The following ATG14 variants were observed in gnomAD, a reference collection of about 807,000 sequenced individuals.
The protein encoded by ATG14 is beclin 1-associated autophagy-related key regulator.
ATG14 carries 35 observed loss-of-function variants against 60.4 expected under a neutral mutation model. That is an observed-to-expected ratio of 0.58 (90% CI 0.44 to 0.77). ATG14 has a LOEUF of 0.77. Ranked by LOEUF, ATG14 falls within the 30% of genes least tolerant of loss-of-function variation. The probability of loss-of-function intolerance (pLI) is 0.00; values close to 1 mark genes in which losing one functional copy is unlikely to be tolerated. For missense variants in ATG14, 647 were observed against 626.3 expected (o/e 1.03, Z -0.35); for synonymous variants, 234 against 228.8 (o/e 1.02, Z -0.21).
At chr14:55,407,556 C>T (rs1413573752) in intron 1 of ATG14, among the ~76,000 whole-genome samples, 3 of 152,214 alleles carry the variant, frequency 2.0e-5, no homozygotes, top group Non-Finnish European at 4.4e-5. Flanking sequence ...TGAGCCACTG[C>T]GCCCAACCCC....
rs193223490 is a variant in ATG14 at position 55,369,564 on chromosome 14, G to A, written c.*55C>T. 34 of 1,391,950 alleles carry A rather than the reference G, an allele frequency of 2.4e-5. No individual in the cohort carries two copies. The Admixed American group carries it at 4.4e-4, about 18-fold the overall frequency. 86.2% of individuals were successfully genotyped at this position (1,391,950 alleles called of 1,614,324 possible). ...TTAAACAGAAAATGTTTACTAGAGT[G>A]TAGTGGGAGAAGAACTTTCTTGATG... On this transcript the variant is annotated 3_prime_UTR_variant, in exon 10 of 10. Coordinates refer to ENST00000247178, the MANE Select transcript of ATG14 (RefSeq NM_014924.5).
At chr14:55,397,161 C>T (rs72717754) in intron 2 of ATG14, among the ~76,000 whole-genome samples, 1,638 of 152,284 alleles carry the variant, frequency 0.011, 12 homozygotes, top group Middle Eastern at 0.027. Flanking sequence ...TACTGTATAC[C>T]ACACACCGGA....
In ATG14 at chr14:55,369,691, A is replaced by G. The variant is rs776800491; in HGVS notation, c.1407T>C (p.Ser469=). 1.9e-6 allele frequency: 3 copies of G among 1,602,942 alleles called. No individual in the cohort carries two copies. Among genetic ancestry groups the G allele is most frequent in the Non-Finnish European group, 2.6e-6 (3 of 1,173,316 alleles). ...CTGCAGAGGAGATCATCCCACCTGC[A>G]CTGCTGCTCGCGATGGGTGGGGACG... is the stretch of plus-strand genomic sequence containing the variant. ...TQASPPIASS[S]AGGMISSAAA... The change falls in exon 10 of 10, where the codon AGT becomes AGC. Residue 469 remains serine (S), a synonymous_variant. Coordinates refer to ENST00000247178, the MANE Select transcript of ATG14 (RefSeq NM_014924.5).
At chr14:55,409,419 G>A (rs1166323137) in intron 1 of ATG14, among the ~76,000 whole-genome samples, 1 of 152,164 alleles carries the variant, frequency 6.6e-6, no homozygotes, top group Admixed American at 6.5e-5. Flanking sequence ...TGGGGTGGGG[G>A]CAGTTAGACA....
At chr14:55,380,855 G>GTGTA (rs1555341866) in intron 6 of ATG14, among the ~76,000 whole-genome samples, 165 bp from the exon 7 acceptor site, 1 of 118,084 alleles carries the variant, frequency 8.5e-6, no homozygotes, top group East Asian at 2.2e-4. Context: ...TTCTTTGTGT[G>GTGTA]TATATATATA....
intron 2 of ATG14, 41 bp from the exon 3 acceptor site, chr14:55,396,023 T>A (rs147302124): frequency 1.3e-6 from 2 of 1,485,094 alleles, no homozygotes; most frequent in Non-Finnish European, 1.8e-6. Flanking sequence ...TTAAAAATAA[T>A]AAAATTCTGT....
chr14:55,406,654 T>C (rs920918606), intron 1 of ATG14, among the ~76,000 whole-genome samples: 2 of 152,186 alleles, frequency 1.3e-5, no homozygotes, highest in Admixed American at 1.3e-4. Flanking sequence ...ACAATGGTCC[T>C]GGGTCTCGAG....
At chr14:55,380,978 G>T (rs183504330) in intron 6 of ATG14, among the ~76,000 whole-genome samples, 1 of 149,688 alleles carries the variant, frequency 6.7e-6, no homozygotes. Flanking sequence ...ACCTGATAAC[G>T]TAATATCAAA....
chr14:55,400,882 T>C (rs935207805), intron 1 of ATG14, among the ~76,000 whole-genome samples: 4 of 151,210 alleles, frequency 2.6e-5, no homozygotes, highest in Non-Finnish European at 4.4e-5. Flanking sequence ...CCAGCCTGGG[T>C]GACAGAGTGA....
chr14:55,374,133 C>T (rs10132453), intron 9 of ATG14, among the ~76,000 whole-genome samples: 45,031 of 152,152 alleles, frequency 0.3, 7,057 homozygotes, highest in Non-Finnish European at 0.33. Flanking sequence ...CTGGATTCAT[C>T]GAGCCTTCCT....
At position 55,367,293 on chromosome 14, in the gene ATG14, G is replaced by T. The variant is rs1884700896; in HGVS notation, c.*2326C>A. The T allele has an allele frequency of 6.6e-6, 1 of 152,184 alleles. No homozygotes were observed. The highest frequency in any genetic ancestry group is 1.5e-5 in the Non-Finnish European group (1 of 68,038). The allele number at this position is 152,184 out of a possible 1,614,324, so 9.4% of individuals were successfully genotyped here. ...AAGCTCTTACTTCTGAGGGTTTTAA[G>T]TAGCTAGACAACTCTTACAAGATCG... On this transcript the variant is annotated 3_prime_UTR_variant, in exon 10 of 10. Transcript: ENST00000247178.
chr14:55,370,638 T>G (rs1884793174), intron 9 of ATG14, among the ~76,000 whole-genome samples: 2 of 152,024 alleles, frequency 1.3e-5, no homozygotes, highest in Admixed American at 6.6e-5. Flanking sequence ...GAAGCCTTTC[T>G]GCATTTCTTT....
intron 1 of ATG14, among the ~76,000 whole-genome samples, chr14:55,404,834 T>C (rs1479125819): frequency 6.6e-6 from 1 of 152,188 alleles, no homozygotes; most frequent in African/African-American, 2.4e-5. Context: ...AAATGTGAAC[T>C]TAAGATTAGT....
chr14:55,405,068 A>C (rs1885467642), intron 1 of ATG14, among the ~76,000 whole-genome samples: 1 of 152,216 alleles, frequency 6.6e-6, no homozygotes, highest in Admixed American at 6.5e-5. Flanking sequence ...AATACCATAA[A>C]CAAACTCCAT....
chr14:55,394,655 C>G (rs764472747), intron 3 of ATG14, among the ~76,000 whole-genome samples: 11 of 152,156 alleles, frequency 7.2e-5, no homozygotes, highest in Admixed American at 1.3e-4. Context: ...TCACAGAGTG[C>G]ACGAAATTCT....
chr14:55,376,756 T>C (rs1884925646), intron 9 of ATG14, among the ~76,000 whole-genome samples: 1 of 152,156 alleles, frequency 6.6e-6, no homozygotes. Context: ...TGAGTTCTCT[T>C]TCAAAAGTGT....
At chr14:55,402,926 AATATATATATATATATATAT>A (rs71131262) in intron 1 of ATG14, among the ~76,000 whole-genome samples, 267 of 16,392 alleles carry the variant, frequency 0.016, 6 homozygotes, top group African/African-American at 0.038. Context: ...AAAAAAAAAA[AATATATATATATATATATAT>A]ATATATATAT....
chr14:55,393,384 CAAAAAAAAGAGGA>C (rs960309763), intron 3 of ATG14, among the ~76,000 whole-genome samples: 6 of 136,802 alleles, frequency 4.4e-5, no homozygotes, highest in African/African-American at 1.4e-4. Flanking sequence ...GACTCTGTCT[CAAAAAAAAGAGGA>C]AAAAAAAAGA....
At chr14:55,373,864 C>T (rs1364589192) in intron 9 of ATG14, among the ~76,000 whole-genome samples, 1 of 151,462 alleles carries the variant, frequency 6.6e-6, no homozygotes, top group Non-Finnish European at 1.5e-5. Flanking sequence ...CCGGTCTGAA[C>T]AGAAACAGGA....
Sources: allele counts gnomAD v4.1 joint callset (sites outside exome capture counted in the v4.1 genomes callset), GRCh38; gene constraint gnomAD v4.1.1; transcripts MANE v1.5; gene names NCBI Gene and HGNC (gene_info 2026-07-23, HGNC 2026-07-21).